Variants in C18orf54 observed in about 807,000 individuals in gnomAD.
C18orf54 encodes the protein lung adenoma susceptibility protein 2.
A neutral mutation model predicts 49.3 loss-of-function variants in C18orf54; 49 were observed. The ratio of observed to expected loss-of-function variants is 0.99; its 90% CI spans 0.79 to 1.26. C18orf54 has a LOEUF of 1.26. C18orf54 is among the 50% of genes most tolerant of loss of function. C18orf54 has a pLI of 0.00. For missense variants in C18orf54, 687 were observed against 620.6 expected, an observed-to-expected ratio of 1.11 and a Z score of -1.14; for synonymous variants, 211 against 216.6, an observed-to-expected ratio of 0.97 and a Z score of 0.23.
intron 6 of C18orf54, 84 bp downstream of exon 6, chr18:54,365,905 T>A: frequency 8.6e-6 from 6 of 701,170 alleles, no homozygotes; most frequent in Admixed American, 6.3e-5. Flanking sequence ...CTTAGATAAT[T>A]TAAAGCAAAA....
At chr18:54,365,119 T>A (rs950560313) in intron 5 of C18orf54, among the ~76,000 whole-genome samples, 5 of 151,994 alleles carry the variant, frequency 3.3e-5, no homozygotes, top group African/African-American at 1.2e-4. Context: ...AATATGTCTG[T>A]GAGATAGATG....
chr18:54,364,348 A>G (rs1376181498), intron 5 of C18orf54, among the ~76,000 whole-genome samples: 2 of 152,232 alleles, frequency 1.3e-5, no homozygotes, highest in South Asian at 4.1e-4. Flanking sequence ...CACTTAATGT[A>G]TTTTATTATT....
rs1031204283 is a variant in C18orf54, at chr18:54,379,852, A to C, written c.*1606A>C. 6 of 151,978 alleles carry C rather than the reference A, an allele frequency of 3.9e-5. No individual in the cohort carries two copies. Among genetic ancestry groups the C allele is most frequent in the African/African-American group, 1.4e-4 (6 of 41,412 alleles). 9.4% of individuals were successfully genotyped at this position (151,978 alleles called of 1,614,324 possible). A position where few individuals can be genotyped will look rare whatever the true frequency, so the allele number is the denominator to read the frequency against. On this transcript the variant is annotated 3_prime_UTR_variant, in exon 9 of 9. Coordinates refer to ENST00000620105, the MANE Select transcript of C18orf54 (RefSeq NM_001288980.2). ...ACTTCTAATTGAATATTATATGTTG[A>C]TCATACATAATATATACTATGCCTG...
chr18:54,377,469 G>GAAATATAGGGGAGAGAA (rs2089595813), intron 8 of C18orf54, among the ~76,000 whole-genome samples: 2 of 152,110 alleles, frequency 1.3e-5, no homozygotes, highest in South Asian at 4.2e-4. Context: ...TCCAGGAACT[G>GAAATATAGGGGAGAGAA]AAATATAGGG....
intron 8 of C18orf54, among the ~76,000 whole-genome samples, chr18:54,377,970 T>C (rs765411840): frequency 6.6e-6 from 1 of 152,240 alleles, no homozygotes; most frequent in Non-Finnish European, 1.5e-5. Flanking sequence ...AGTAAATGTT[T>C]ATAGAACTTT....
rs1256719134 is a variant in C18orf54, at chr18:54,362,415, C to T, written c.1056C>T (p.Ser352=). 4 of 1,516,894 alleles carry T rather than the reference C, an allele frequency of 2.6e-6. No individual in the cohort carries two copies. In the African/African-American group the frequency reaches 5.5e-5, roughly 21 times the overall value. 94.0% of individuals were successfully genotyped at this position (1,516,894 alleles called of 1,614,324 possible). Reference sequence around the variant, plus strand: ...AGAATCCACTTCTCCCAGGACAATCCACAAAGCCATTCAGTGGTAATACTT... The same window carrying T: ...AGAATCCACTTCTCCCAGGACAATCTACAAAGCCATTCAGTGGTAATACTT... ...QCENPLLPGQ[S]TKPFSGDKIE... Residue 352 remains serine (S), a synonymous_variant, in exon 4 of 9, where the codon TCC becomes TCT. Transcript: ENST00000620105.
rs904920190 is a variant in C18orf54 at position 54,380,967 on chromosome 18, A to C, written c.*2721A>C. The C allele has an allele frequency of 1.3e-5, 2 of 152,170 alleles. No homozygotes were observed. Among genetic ancestry groups the C allele is most frequent in the South Asian group, 4.1e-4 (2 of 4,834 alleles). The allele number at this position is 152,170 out of a possible 1,614,324, so 9.4% of individuals were successfully genotyped here. ...AAGAAGACAGAAGAAGCAAAAGGCT[A>C]ATACAGTGGATAATTTCTGAGCACT... On this transcript the variant is annotated 3_prime_UTR_variant, in exon 9 of 9. Coordinates refer to ENST00000620105, the MANE Select transcript of C18orf54 (RefSeq NM_001288980.2).
rs1359692355 is a variant in C18orf54 at position 54,381,956 on chromosome 18, A to C, written c.*3710A>C. 1 of 152,150 alleles carries C rather than the reference A, an allele frequency of 6.6e-6. No individual in the cohort carries two copies. Among genetic ancestry groups the C allele is most frequent in the Non-Finnish European group, 1.5e-5 (1 of 68,024 alleles). The allele number at this position is 152,150 out of a possible 1,614,324, so 9.4% of individuals were successfully genotyped here. Reference sequence around the variant, plus strand: ...TGCATTTTACATAGTGGTTTTAAATATTGATTGATTGATATTCTAAACCTG... The same window carrying C: ...TGCATTTTACATAGTGGTTTTAAATCTTGATTGATTGATATTCTAAACCTG... On this transcript the variant is annotated 3_prime_UTR_variant, in exon 9 of 9. Coordinates refer to ENST00000620105, the MANE Select transcript of C18orf54 (RefSeq NM_001288980.2).
chr18:54,377,015 G>GTT (rs34791747), intron 8 of C18orf54, among the ~76,000 whole-genome samples: 37 of 150,334 alleles, frequency 2.5e-4, no homozygotes, highest in South Asian at 1.1e-3. Context: ...CACAGCTTAT[G>GTT]TTTTTTTTTT....
intron 6 of C18orf54, among the ~76,000 whole-genome samples, chr18:54,367,564 A>G (rs2089409128): frequency 6.6e-6 from 1 of 152,100 alleles, no homozygotes; most frequent in Admixed American, 6.5e-5. Flanking sequence ...CTGGCCTTTA[A>G]GGTTTCTGCA....
At chr18:54,367,252 T>C (rs568116100) in intron 6 of C18orf54, among the ~76,000 whole-genome samples, 2 of 152,250 alleles carry the variant, frequency 1.3e-5, no homozygotes, top group East Asian at 3.9e-4. Context: ...TCCCCTCATA[T>C]TATCATTATG....
chr18:54,380,611 A>C lies in C18orf54; in HGVS notation c.*2365A>C, dbSNP rs1015754203. 1.3e-5 allele frequency: 2 copies of C among 151,988 alleles called. No individual in the cohort carries two copies. Among genetic ancestry groups the C allele is most frequent in the Non-Finnish European group, 2.9e-5 (2 of 67,928 alleles). The allele number at this position is 151,988 out of a possible 1,614,324, so 9.4% of individuals were successfully genotyped here. ...GAGATTTCTGAGCAAATTAAGAAAC[A>C]CTGTTTTCCTGGGTTTGTTTTGGGT... On this transcript the variant is annotated 3_prime_UTR_variant, in exon 9 of 9. Coordinates refer to ENST00000620105, the MANE Select transcript of C18orf54 (RefSeq NM_001288980.2).
rs1467090815 is a variant in C18orf54 at position 54,361,739 on chromosome 18, A to T, written c.380A>T (p.Asp127Val). 1.9e-6 allele frequency: 3 copies of T among 1,613,886 alleles called. No homozygotes were observed. The highest frequency in any genetic ancestry group is 3.3e-5 in the Admixed American group (2 of 59,984). Residue 127 changes from aspartate to valine, a missense_variant, in exon 4 of 9, where the codon GAT becomes GTT. By Grantham distance (152) the Asp-to-Val change is radical. Coordinates refer to ENST00000620105, the MANE Select transcript of C18orf54 (RefSeq NM_001288980.2). ...GACTCCATGAGCCTAACAACTGATG[A>T]TCTATTAAGACTCCCAGCAGATGGA... ...DIDSMSLTTD[D>V]LLRLPADGSF...
At chr18:54,374,830 A>G (rs752168298) in intron 8 of C18orf54, among the ~76,000 whole-genome samples, 5 of 151,922 alleles carry the variant, frequency 3.3e-5, no homozygotes, top group Non-Finnish European at 7.4e-5. Context: ...TTGTGTGACT[A>G]TGAAGTGTCC....
intron 6 of C18orf54, among the ~76,000 whole-genome samples, chr18:54,372,102 C>A (rs1324843125): frequency 6.6e-6 from 1 of 151,988 alleles, no homozygotes; most frequent in Admixed American, 6.5e-5. Context: ...AGTCCTTGAT[C>A]AGCTGTAAAG....
chr18:54,362,757 T>C lies in C18orf54; in HGVS notation c.1073-14T>C. On this transcript the variant is annotated splice_polypyrimidine_tract_variant and intron_variant, in intron 4 of 8. Coordinates refer to ENST00000620105, the MANE Select transcript of C18orf54 (RefSeq NM_001288980.2). ...TTTTTTCTTCAAGGATTAATAGTCA[T>C]CTTTTACAATTAGGTGACAAAATTG... 6.3e-7 allele frequency: 1 copy of C among 1,597,024 alleles called. No individual in the cohort carries two copies. The highest frequency in any genetic ancestry group is 8.5e-7 in the Non-Finnish European group (1 of 1,174,598).
chr18:54,367,772 A>C (rs527874750), intron 6 of C18orf54, among the ~76,000 whole-genome samples: 1 of 152,080 alleles, frequency 6.6e-6, no homozygotes, highest in Non-Finnish European at 1.5e-5. Flanking sequence ...ATTTTCAGCT[A>C]TGATTTCATT....
At chr18:54,366,125 G>T (rs900359536) in intron 6 of C18orf54, among the ~76,000 whole-genome samples, 5 of 151,740 alleles carry the variant, frequency 3.3e-5, no homozygotes, top group African/African-American at 7.3e-5. Context: ...ATTTCTTTGT[G>T]TTGGGAACAT....
chr18:54,361,019 G>A (rs1279879793), intron 3 of C18orf54, among the ~76,000 whole-genome samples, 164 bp downstream of exon 3: 1 of 152,114 alleles, frequency 6.6e-6, no homozygotes, highest in Non-Finnish European at 1.5e-5. Context: ...AATTCTCTGT[G>A]GAACAGTAAT....
Sources: gnomAD v4.1 joint callset for allele counts (sites outside exome capture counted in the v4.1 genomes callset) on GRCh38, gnomAD v4.1.1 for gene constraint, MANE v1.5 for transcripts, NCBI Gene and HGNC (gene_info 2026-07-23, HGNC 2026-07-21) for gene names.